The following TLN2 variants were observed in gnomAD, a reference collection of about 807,000 sequenced individuals.
TLN2 encodes talin-2.
Under a neutral mutation model 294.7 loss-of-function variants are expected in TLN2, and 118 were observed. The observed-to-expected ratio is 0.40, with a 90% confidence interval of 0.34 to 0.47. The LOEUF (loss-of-function observed/expected upper bound fraction) is 0.47. Ranked by LOEUF, TLN2 falls within the 20% of genes least tolerant of loss-of-function variation. The pLI, the probability that TLN2 is intolerant of heterozygous loss-of-function variation, is 0.84. For synonymous variants in TLN2, 1,431 were observed against 1,304.5 expected, an observed-to-expected ratio of 1.10 and a Z score of -2.09; for missense variants, 3,083 against 3,282.2, an observed-to-expected ratio of 0.94 and a Z score of 1.48.
chr15:62,769,849 G>A lies in TLN2; in HGVS notation c.5197-1115G>A, dbSNP rs568357202. Among the ~76,000 whole-genome samples the A allele has an allele frequency of 1.1e-4, 17 of 152,338 alleles. No individual in the cohort carries two copies. In the South Asian group the frequency reaches 1.2e-3, roughly 11 times the overall value. On this transcript the variant is annotated intron_variant, in intron 41 of 58. Transcript: ENST00000636159. ...GCCATTAGTCATTACCGCACAGAAT[G>A]AGGCATTGAACAGAAAAGTGTGATT...
intron 1 of TLN2, among the ~76,000 whole-genome samples, chr15:62,438,755 A>G (rs2035412730): frequency 1.3e-5 from 2 of 152,172 alleles, no homozygotes; most frequent in Admixed American, 1.3e-4. Context: ...CACCCTGCCA[A>G]GTTCCCCTGT....
intron 1 of TLN2, among the ~76,000 whole-genome samples, chr15:62,452,484 T>C (rs574434294): frequency 6.6e-6 from 1 of 152,162 alleles, no homozygotes; most frequent in Non-Finnish European, 1.5e-5. Flanking sequence ...CTTTAACCAT[T>C]TGTAAGTGTA....
At chr15:62,556,500 A>G (rs549158662) in intron 1 of TLN2, among the ~76,000 whole-genome samples, 1 of 151,100 alleles carries the variant, frequency 6.6e-6, no homozygotes, top group South Asian at 2.1e-4. Flanking sequence ...TTTTGTAGAG[A>G]TGGAGTTTTG....
chr15:62,534,356 T>C (rs1222064876), intron 1 of TLN2, among the ~76,000 whole-genome samples: 5 of 152,228 alleles, frequency 3.3e-5, no homozygotes, highest in African/African-American at 1.2e-4. Context: ...ACTGACAGGC[T>C]ATATGCTGGG....
chr15:62,453,087 T>G (rs1031047034), intron 1 of TLN2, among the ~76,000 whole-genome samples: 3 of 152,184 alleles, frequency 2.0e-5, no homozygotes, highest in African/African-American at 7.2e-5. Context: ...TTACCTGAAA[T>G]TCAAGTTTAA....
chr15:62,538,076 G>T (rs1193668716), intron 1 of TLN2, among the ~76,000 whole-genome samples: 1 of 152,120 alleles, frequency 6.6e-6, no homozygotes, highest in Non-Finnish European at 1.5e-5. Context: ...ACAAAAATTA[G>T]CTGGGCATGG....
intron 2 of TLN2, among the ~76,000 whole-genome samples, chr15:62,614,399 T>C (rs2048147659): frequency 6.6e-6 from 1 of 152,238 alleles, no homozygotes; most frequent in Admixed American, 6.5e-5. Flanking sequence ...GCATTGACTT[T>C]ATAATTAGTC....
chr15:62,653,144 C>G lies in TLN2; in HGVS notation c.365-18C>G, dbSNP rs1292266850. The G allele has an allele frequency of 6.6e-7, 1 of 1,520,216 alleles. No homozygotes were observed. Among genetic ancestry groups the G allele is most frequent in the Non-Finnish European group, 8.8e-7 (1 of 1,130,756 alleles). 94.2% of individuals were successfully genotyped at this position (1,520,216 alleles called of 1,614,324 possible). On this transcript the variant is annotated intron_variant, in intron 6 of 58. Transcript: ENST00000636159. ...CAGTTTAATTATTTATAATTATAAC[C>G]TAATTTCCAATGTTTAGGAATAACA...
At position 62,650,680 on chromosome 15, in the gene TLN2, T is replaced by C. The variant is rs114411121; in HGVS notation, c.234+499T>C. ...TATGGAAATAGGGAGAAGTAATGAG[T>C]AAAAACATATTAAACATTTTGTTCA... On this transcript the variant is annotated intron_variant, in intron 5 of 58. Coordinates refer to ENST00000636159, the MANE Select transcript of TLN2 (RefSeq NM_015059.3). 8.6e-3 allele frequency among the ~76,000 whole-genome samples: 1,314 copies of C among 152,282 alleles called. 18 individuals are homozygous for C. Among genetic ancestry groups the C allele is most frequent in the African/African-American group, 0.031 (1,274 of 41,538 alleles).
chr15:62,450,727 CT>C (rs1401485525), intron 1 of TLN2, among the ~76,000 whole-genome samples: 2 of 151,998 alleles, frequency 1.3e-5, no homozygotes, highest in Admixed American at 1.3e-4. Flanking sequence ...CTCCTGTGTG[CT>C]ACTATGCCTA....
At chr15:62,439,606 C>T (rs1043123418) in intron 1 of TLN2, among the ~76,000 whole-genome samples, 2 of 152,170 alleles carry the variant, frequency 1.3e-5, no homozygotes, top group African/African-American at 2.4e-5. Context: ...AGCCACCGTG[C>T]GCCTATCTTA....
intron 33 of TLN2, among the ~76,000 whole-genome samples, chr15:62,750,102 A>G: frequency 6.6e-6 from 1 of 152,142 alleles, no homozygotes; most frequent in Middle Eastern, 3.2e-3. Flanking sequence ...TAATGTTCTA[A>G]TATGTTTTAA....
chr15:62,745,714 G>A (rs2061572247), intron 32 of TLN2, among the ~76,000 whole-genome samples: 1 of 152,188 alleles, frequency 6.6e-6, no homozygotes, highest in Admixed American at 6.5e-5. Flanking sequence ...CTCTATTCTT[G>A]CGTATTTGAG....
intron 1 of TLN2, among the ~76,000 whole-genome samples, chr15:62,571,650 A>G: frequency 6.6e-6 from 1 of 152,160 alleles, no homozygotes; most frequent in Non-Finnish European, 1.5e-5. Flanking sequence ...AGGCAATGGT[A>G]GGCTCCCATG....
At chr15:62,533,542 A>C (rs529924600) in intron 1 of TLN2, among the ~76,000 whole-genome samples, 1 of 152,174 alleles carries the variant, frequency 6.6e-6, no homozygotes, top group Non-Finnish European at 1.5e-5. Flanking sequence ...GCACATCTAT[A>C]TAGAAGGAGA....
At chr15:62,612,844 T>G (rs1184746812) in intron 2 of TLN2, among the ~76,000 whole-genome samples, 2 of 152,210 alleles carry the variant, frequency 1.3e-5, no homozygotes, top group African/African-American at 4.8e-5. Flanking sequence ...CTCTGATGCT[T>G]TAGTGCAAAA....
At chr15:62,543,839 T>G (rs2041842045) in intron 1 of TLN2, among the ~76,000 whole-genome samples, 1 of 151,504 alleles carries the variant, frequency 6.6e-6, no homozygotes, top group Admixed American at 6.6e-5. Flanking sequence ...ATCACACAAA[T>G]ATATAATATT....
chr15:62,801,838 C>G (rs901900159), intron 50 of TLN2, among the ~76,000 whole-genome samples: 1 of 152,082 alleles, frequency 6.6e-6, no homozygotes, highest in African/African-American at 2.4e-5. Flanking sequence ...TTTGTGGGTA[C>G]ATAGTAGGTG....
In TLN2 at chr15:62,692,859, A is replaced by G; in HGVS notation, c.1133A>G (p.Glu378Gly). The G allele has an allele frequency of 6.2e-7, 1 of 1,613,610 alleles. No homozygotes were observed. The highest frequency in any genetic ancestry group is 2.2e-5 in the East Asian group (1 of 44,862). ...SFTLDFGEYQ[E>G]SYYSVQTTEG... ...TTTCAGGATTTTGGGGAGTATCAGG[A>G]AAGCTACTATTCAGTACAAACCACC... The change falls in exon 13 of 59, where the codon GAA becomes GGA. Residue 378 changes from glutamate (E) to glycine (G), a missense_variant. Coordinates refer to ENST00000636159, the MANE Select transcript of TLN2 (RefSeq NM_015059.3).
Sources: allele counts gnomAD v4.1 joint callset (sites outside exome capture counted in the v4.1 genomes callset), GRCh38; gene constraint gnomAD v4.1.1; transcripts MANE v1.5; gene names NCBI Gene and HGNC (gene_info 2026-07-23, HGNC 2026-07-21).